The following USP35 variants were observed in gnomAD, a reference collection of about 807,000 sequenced individuals.
The protein encoded by USP35 is ubiquitin carboxyl-terminal hydrolase 35.
USP35 carries 69 observed loss-of-function variants against 83.8 expected under a neutral mutation model. That is an observed-to-expected ratio of 0.82 (90% CI 0.68 to 1.01). USP35 has a LOEUF of 1.01. Among genes scored for constraint, USP35 ranks in the 50% least tolerant of loss-of-function variants. USP35 has a pLI of 0.00. For synonymous variants in USP35, 714 were observed against 589.5 expected (o/e 1.21, Z -3.06); for missense variants, 1,503 against 1,362.5 (o/e 1.10, Z -1.62).
intron 6 of USP35, among the ~76,000 whole-genome samples, chr11:78,204,799 A>G (rs188297843): frequency 6.6e-6 from 1 of 152,304 alleles, no homozygotes; most frequent in Non-Finnish European, 1.5e-5. Context: ...GTGAGAAGTG[A>G]CTGACTGCTC....
intron 8 of USP35, among the ~76,000 whole-genome samples, chr11:78,207,877 T>G (rs1420878717): frequency 6.6e-6 from 1 of 152,248 alleles, no homozygotes; most frequent in Non-Finnish European, 1.5e-5. Context: ...ATCCATCGCA[T>G]TATGGTGTTG....
chr11:78,196,555 G>A lies in USP35; in HGVS notation c.310G>A (p.Val104Met), dbSNP rs1590897090. The A allele has an allele frequency of 8.0e-7, 1 of 1,244,898 alleles. No homozygotes were observed. Among genetic ancestry groups the A allele is most frequent in the Non-Finnish European group, 1.0e-6 (1 of 989,194 alleles). The allele number at this position is 1,244,898 out of a possible 1,614,324, so 77.1% of individuals were successfully genotyped here. Residue 104 changes from valine (V) to methionine (M), a missense_variant, in exon 2 of 11, where the codon GTG becomes ATG. Val to Met is a conservative substitution (Grantham distance 21, BLOSUM62 1). Coordinates refer to ENST00000529308, the MANE Select transcript of USP35 (RefSeq NM_020798.4). This position sits in a 1 kb window ranked among gnomAD's most constrained non-coding sequence, Gnocchi z 4.8. ...GPPGPRALAC[V>M]QLGLQLLPEG... ...CCCGGGCCCCCGCGCGCTCGCCTGC[G>A]TGCAGCTGGGTCTGCAGCTGCTGCC... is the stretch of plus-strand genomic sequence containing the variant.
At position 78,196,637 on chromosome 11, in the gene USP35, C is replaced by T; in HGVS notation, c.392C>T (p.Thr131Ile). 1 of 1,365,856 alleles carries T rather than the reference C, an allele frequency of 7.3e-7. No homozygotes were observed. 84.6% of individuals were successfully genotyped at this position (1,365,856 alleles called of 1,614,324 possible). A position where few individuals can be genotyped will look rare whatever the true frequency, so the allele number is the denominator to read the frequency against. Reference protein sequence around the residue: ...FALLRREVLRTVCERPGPAAC... With the variant: ...FALLRREVLRIVCERPGPAAC... ...CTGCTGCGGCGCGAGGTGCTGCGCA[C>T]CGTGTGCGAGCGCCCGGGCCCCGCG... The change falls in exon 2 of 11, where the codon ACC becomes ATC. Residue 131 changes from threonine to isoleucine, a missense_variant. By Grantham distance (89) the Thr-to-Ile change is moderately conservative. Coordinates refer to ENST00000529308, the MANE Select transcript of USP35 (RefSeq NM_020798.4). The surrounding 1 kb of genome is among the most constrained non-coding windows in gnomAD (Gnocchi z 4.8).
intron 10 of USP35, among the ~76,000 whole-genome samples, chr11:78,211,103 C>T (rs556133192): frequency 6.6e-6 from 1 of 151,812 alleles, no homozygotes; most frequent in African/African-American, 2.4e-5. Context: ...CCCCCGCCAC[C>T]CCCCAACAGG....
At chr11:78,209,262 TG>T (rs1404153079) in intron 9 of USP35, among the ~76,000 whole-genome samples, 185 bp from the exon 10 acceptor site, 2 of 150,872 alleles carry the variant, frequency 1.3e-5, no homozygotes, top group African/African-American at 4.8e-5. Context: ...GTAGGGCGTG[TG>T]GGTGAGTGTA....
At chr11:78,191,839 AT>A (rs925138685) in intron 1 of USP35, among the ~76,000 whole-genome samples, 2 of 143,634 alleles carry the variant, frequency 1.4e-5, no homozygotes, top group African/African-American at 2.6e-5. Context: ...CCCGGCCCTC[AT>A]CTTTTTTTTT....
Position 78,205,841 on chromosome 11 carries a change from G to A in USP35, c.1198-1G>A. 2 of 1,610,610 alleles carry A rather than the reference G, an allele frequency of 1.2e-6. No individual in the cohort carries two copies. The highest frequency in any genetic ancestry group is 1.7e-6 in the Non-Finnish European group (2 of 1,177,514). On this transcript the variant is annotated splice_acceptor_variant, in intron 6 of 10. Coordinates refer to ENST00000529308, the MANE Select transcript of USP35 (RefSeq NM_020798.4). LOFTEE classifies it high-confidence loss of function. ...TGCCTGCCTGCTTATTCCCTCCTCA[G>A]GACCTCCATGTTCCCAATGAGGACC... is the stretch of plus-strand genomic sequence containing the variant.
downstream of USP35, chr11:78,217,897 TGTG>T (rs1864229044): frequency 6.6e-6 from 1 of 152,470 alleles, no homozygotes. Flanking sequence ...CCATGCCTGA[TGTG>T]GTCCTCTAGG....
In USP35 at chr11:78,204,369, C is replaced by G. The variant is rs887231506; in HGVS notation, c.1198-1473C>G. On this transcript the variant is annotated intron_variant, in intron 6 of 10. Coordinates refer to ENST00000529308, the MANE Select transcript of USP35 (RefSeq NM_020798.4). Reference sequence around the variant, plus strand: ...GTACATATGCCTTTGTAAATAAGTTCTGGAAAGTTCTCTGACTTAGGCAGA... The same window carrying G: ...GTACATATGCCTTTGTAAATAAGTTGTGGAAAGTTCTCTGACTTAGGCAGA... Among the ~76,000 whole-genome samples the G allele has an allele frequency of 1.7e-3, 254 of 152,296 alleles. 7 individuals are homozygous for G. The highest frequency in any genetic ancestry group is 9.1e-4 in the Admixed American group (14 of 15,302).
chr11:78,192,009 A>G (rs544638163), intron 1 of USP35, among the ~76,000 whole-genome samples: 1 of 152,022 alleles, frequency 6.6e-6, no homozygotes, highest in East Asian at 1.9e-4. Flanking sequence ...ACGCCCGGCT[A>G]ATTTTTTGTA....
At chr11:78,226,102 T>C in the USP35 span, among the ~76,000 whole-genome samples, 697 of 152,388 alleles carry the variant, frequency 4.6e-3, 4 homozygotes, top group African/African-American at 0.016. Context: ...CAGTTTGGAC[T>C]GATCTTCTGA....
chr11:78,207,203 C>A, intron 7 of USP35: 1 of 227,264 alleles, frequency 4.4e-6, no homozygotes, highest in South Asian at 7.0e-5. Flanking sequence ...CATGTCCTAA[C>A]CCTAGAATCC....
Position 78,213,931 on chromosome 11 carries a change from T to TCAGCCTGATGA in USP35, c.*119_*129dup. ...GGTACAGCTCATGGCACCTTAGTCC[T>TCAGCCTGATGA]CAGCCTGATGAAGGGTACACAGAGA... On this transcript the variant is annotated 3_prime_UTR_variant, in exon 11 of 11. Coordinates refer to ENST00000529308, the MANE Select transcript of USP35 (RefSeq NM_020798.4). 8.5e-7 allele frequency: 1 copy of TCAGCCTGATGA among 1,177,090 alleles called. No homozygotes were observed. Among genetic ancestry groups the TCAGCCTGATGA allele is most frequent in the Non-Finnish European group, 1.1e-6 (1 of 869,710 alleles). The allele number at this position is 1,177,090 out of a possible 1,614,324, so 72.9% of individuals were successfully genotyped here. A position where few individuals can be genotyped will look rare whatever the true frequency, so the allele number is the denominator to read the frequency against.
the USP35 span, among the ~76,000 whole-genome samples, chr11:78,221,137 A>G: frequency 6.6e-6 from 1 of 152,346 alleles, no homozygotes; most frequent in African/African-American, 2.4e-5. Flanking sequence ...TTCTAATGAG[A>G]AGGTGATAGT....
intron 9 of USP35, among the ~76,000 whole-genome samples, 182 bp downstream of exon 9, chr11:78,209,145 C>G (rs1338491544): frequency 6.6e-6 from 1 of 152,140 alleles, no homozygotes; most frequent in Non-Finnish European, 1.5e-5. Context: ...TTGGTAGATG[C>G]TGAGTGGAAG....
Position 78,196,722 on chromosome 11 carries a change from C to G in USP35, c.477C>G (p.Pro159=), listed in dbSNP as rs1168689556. The part of the protein sequence containing the change: ...ARHPRCVPDG[P]HRLLFCQQLV... ...ACCCGCGCTGTGTGCCCGACGGACC[C>G]CACCGCCTGCTCTTCTGCCAGCAGC... Residue 159 remains proline, a synonymous_variant, in exon 2 of 11, where the codon CCC becomes CCG. Coordinates refer to ENST00000529308, the MANE Select transcript of USP35 (RefSeq NM_020798.4). The surrounding 1 kb of genome is among the most constrained non-coding windows in gnomAD (Gnocchi z 4.8). 1 of 1,530,542 alleles carries G rather than the reference C, an allele frequency of 6.5e-7. No individual in the cohort carries two copies. Among genetic ancestry groups the G allele is most frequent in the African/African-American group, 1.4e-5 (1 of 72,606 alleles). The allele number at this position is 1,530,542 out of a possible 1,614,324, so 94.8% of individuals were successfully genotyped here. A position where few individuals can be genotyped will look rare whatever the true frequency, so the allele number is the denominator to read the frequency against.
At chr11:78,233,040 G>GTTTTTTTTTTTTTTTTTT in the USP35 span, among the ~76,000 whole-genome samples, 14 of 131,980 alleles carry the variant, frequency 1.1e-4, no homozygotes, top group African/African-American at 3.6e-4. Flanking sequence ...GCACTGTTAA[G>GTTTTTTTTTTTTTTTTTT]TTTTTTTTTT....
At chr11:78,206,565 G>C (rs1422848263) in intron 7 of USP35, among the ~76,000 whole-genome samples, 1 of 152,206 alleles carries the variant, frequency 6.6e-6, no homozygotes, top group Non-Finnish European at 1.5e-5. Context: ...GATTGGAGCT[G>C]ATCTCCAAGT....
rs1178459130 is a variant in USP35, at chr11:78,214,077, G to GCCTCCCCCTC, written c.*266_*275dup. The stretch of plus-strand genomic sequence containing the variant: ...CCGAGATGGGCACACACGGGTCTTT[G>GCCTCCCCCTC]CCTCCCCCTCCTTCCCTAGCAGGCT... On this transcript the variant is annotated 3_prime_UTR_variant, in exon 11 of 11. Transcript: ENST00000529308. 2.7e-6 allele frequency: 1 copy of GCCTCCCCCTC among 375,834 alleles called. No homozygotes were observed. The highest frequency in any genetic ancestry group is 4.7e-6 in the Non-Finnish European group (1 of 211,610). The allele number at this position is 375,834 out of a possible 1,614,324, so 23.3% of individuals were successfully genotyped here. A position where few individuals can be genotyped will look rare whatever the true frequency, so the allele number is the denominator to read the frequency against.
Sources: gnomAD v4.1 joint callset for allele counts (sites outside exome capture counted in the v4.1 genomes callset) on GRCh38, gnomAD v4.1.1 for gene constraint, Gnocchi (gnomAD v3.1) non-coding constraint, MANE v1.5 for transcripts, NCBI Gene and HGNC (gene_info 2026-07-23, HGNC 2026-07-21) for gene names.